The following NKAIN3 variants were observed in gnomAD, a reference collection of about 807,000 sequenced individuals.
The protein encoded by NKAIN3 is sodium/potassium-transporting ATPase subunit beta-1-interacting protein 3.
A neutral mutation model predicts 30.2 loss-of-function variants in NKAIN3; 25 were observed. The observed-to-expected ratio is 0.83, with a 90% CI of 0.60 to 1.16. The LOEUF (loss-of-function observed/expected upper bound fraction) is 1.16. Among genes scored for constraint, NKAIN3 ranks in the 50% most tolerant of loss-of-function variants. NKAIN3 has a pLI of 0.00. For synonymous variants in NKAIN3, 91 were observed against 89.6 expected, an observed-to-expected ratio of 1.02 and a Z score of -0.09; for missense variants, 225 against 254.1, an observed-to-expected ratio of 0.89 and a Z score of 0.78.
Position 62,885,175 on chromosome 8 carries a change from T to G in NKAIN3, c.472-33278T>G, listed in dbSNP as rs889931125. ...TCTCTGCATATCACAAATTTTGTTG[T>G]TTTATTTTTATTTTCATTTAGTTTG... is the stretch of plus-strand genomic sequence containing the variant. On this transcript the variant is annotated intron_variant, in intron 4 of 6. Transcript: ENST00000623646. 6.6e-5 allele frequency among the ~76,000 whole-genome samples: 10 copies of G among 152,232 alleles called. No individual in the cohort carries two copies. The South Asian group carries it at 8.3e-4, about 13-fold the overall frequency.
At chr8:62,496,160 C>G (rs1275063753) in intron 1 of NKAIN3, among the ~76,000 whole-genome samples, 1 of 152,008 alleles carries the variant, frequency 6.6e-6, no homozygotes, top group Non-Finnish European at 1.5e-5. Context: ...TAATAATGTG[C>G]TTACTGTTTA....
intron 4 of NKAIN3, among the ~76,000 whole-genome samples, chr8:62,888,633 T>C (rs1821215740): frequency 6.6e-6 from 1 of 152,226 alleles, no homozygotes; most frequent in Non-Finnish European, 1.5e-5. Flanking sequence ...TGTTGGAGCA[T>C]GGACTGACGA....
chr8:62,640,643 A>G (rs1812279224), intron 3 of NKAIN3, among the ~76,000 whole-genome samples: 2 of 152,030 alleles, frequency 1.3e-5, no homozygotes, highest in Non-Finnish European at 2.9e-5. Context: ...ACCCATATTA[A>G]AAGAGGTATT....
chr8:62,307,119 C>T lies in NKAIN3; in HGVS notation c.54+57992C>T, dbSNP rs935951377. 7.3e-5 allele frequency among the ~76,000 whole-genome samples: 11 copies of T among 149,962 alleles called. 1 individual carries two copies. In the East Asian group the frequency reaches 1.2e-3, roughly 16 times the overall value. On this transcript the variant is annotated intron_variant, in intron 1 of 6. Transcript: ENST00000623646. ...GGGGGCTGCCCTGGTGAATCTCCTGCACCCCATGAGTCCTTGGGTAGCTAA... is the reference window on the plus strand; with the variant it reads ...GGGGGCTGCCCTGGTGAATCTCCTGTACCCCATGAGTCCTTGGGTAGCTAA...
intron 4 of NKAIN3, among the ~76,000 whole-genome samples, chr8:62,881,326 C>A (rs1266418496): frequency 1.3e-5 from 2 of 152,166 alleles, no homozygotes; most frequent in Non-Finnish European, 2.9e-5. Flanking sequence ...ATCACTGATT[C>A]TTTTACTATA....
At chr8:62,518,401 G>C (rs2129772045) in intron 1 of NKAIN3, among the ~76,000 whole-genome samples, 1 of 152,132 alleles carries the variant, frequency 6.6e-6, no homozygotes, top group South Asian at 2.1e-4. Context: ...ATCAATCATT[G>C]AATTTATGTC....
At chr8:62,675,684 G>C (rs969731562) in intron 3 of NKAIN3, among the ~76,000 whole-genome samples, 4 of 152,106 alleles carry the variant, frequency 2.6e-5, no homozygotes, top group Non-Finnish European at 5.9e-5. Flanking sequence ...CAGCTGCAAG[G>C]TACACTTTCA....
intron 1 of NKAIN3, among the ~76,000 whole-genome samples, chr8:62,489,717 T>C (rs55773340): frequency 0.073 from 11,171 of 152,336 alleles, 513 homozygotes; most frequent in African/African-American, 0.13. Context: ...TAATATACTG[T>C]GTTTAATATA....
At chr8:62,800,572 A>C (rs1818022424) in intron 4 of NKAIN3, among the ~76,000 whole-genome samples, 3 of 152,208 alleles carry the variant, frequency 2.0e-5, no homozygotes, top group African/African-American at 7.2e-5. Flanking sequence ...TTTCTCTACT[A>C]TAAATTCACT....
intron 5 of NKAIN3, among the ~76,000 whole-genome samples, chr8:62,942,564 A>G (rs1298228119): frequency 1.3e-5 from 2 of 151,760 alleles, no homozygotes; most frequent in Non-Finnish European, 2.9e-5. Flanking sequence ...AAAAGAGCCC[A>G]CATAGCCAAG....
intron 1 of NKAIN3, among the ~76,000 whole-genome samples, chr8:62,460,068 T>G (rs1805942769): frequency 6.6e-6 from 1 of 152,166 alleles, no homozygotes; most frequent in South Asian, 2.1e-4. Context: ...GGGACGCCAG[T>G]GAAACGGTGG....
At chr8:62,379,203 G>A (rs1350589512) in intron 1 of NKAIN3, among the ~76,000 whole-genome samples, 1 of 152,200 alleles carries the variant, frequency 6.6e-6, no homozygotes, top group Non-Finnish European at 1.5e-5. Context: ...CTTGTAGTGG[G>A]TGTATTTATC....
At chr8:62,855,468 C>A (rs1489410644) in intron 4 of NKAIN3, 1 of 1,313,160 alleles carries the variant, frequency 7.6e-7, no homozygotes, top group Non-Finnish European at 1.1e-6. Context: ...CTTCCAAAAT[C>A]TTCATTATTT....
At chr8:62,560,479 A>G (rs937115617) in intron 1 of NKAIN3, among the ~76,000 whole-genome samples, 10 of 134,234 alleles carry the variant, frequency 7.4e-5, no homozygotes, top group Admixed American at 1.5e-4. Context: ...TATTATTCAT[A>G]TGCATAATTT....
At chr8:62,291,802 T>C (rs1001834967) in intron 1 of NKAIN3, among the ~76,000 whole-genome samples, 1 of 152,180 alleles carries the variant, frequency 6.6e-6, no homozygotes, top group African/African-American at 2.4e-5. Flanking sequence ...TTTTACATTC[T>C]GTCTCGTTGA....
intron 1 of NKAIN3, among the ~76,000 whole-genome samples, chr8:62,318,288 GC>G (rs1359100156): frequency 6.6e-6 from 1 of 152,008 alleles, no homozygotes; most frequent in African/African-American, 2.4e-5. Context: ...CTGCCTGATT[GC>G]CCTGGCCAGA....
intron 1 of NKAIN3, among the ~76,000 whole-genome samples, chr8:62,454,188 A>G (rs1422326865): frequency 1.3e-5 from 2 of 151,330 alleles, no homozygotes; most frequent in Non-Finnish European, 2.9e-5. Context: ...TGCTACTTCA[A>G]TTTATATATT....
chr8:62,589,352 C>T (rs1585982793), intron 2 of NKAIN3, among the ~76,000 whole-genome samples: 1 of 151,702 alleles, frequency 6.6e-6, no homozygotes, highest in Non-Finnish European at 1.5e-5. Flanking sequence ...CAGTTTTATA[C>T]TGTAACTTAA....
At chr8:62,850,815 A>G (rs1449015353) in intron 4 of NKAIN3, among the ~76,000 whole-genome samples, 1 of 152,056 alleles carries the variant, frequency 6.6e-6, no homozygotes, top group Admixed American at 6.6e-5. Flanking sequence ...ATTGGTCTAT[A>G]TCTCTGTTTT....
Sources: gnomAD v4.1 joint callset for allele counts (sites outside exome capture counted in the v4.1 genomes callset) on GRCh38, gnomAD v4.1.1 for gene constraint, MANE v1.5 for transcripts, NCBI Gene and HGNC (gene_info 2026-07-23, HGNC 2026-07-21) for gene names.